The following G3BP1 variants were observed in gnomAD, a reference collection of about 807,000 sequenced individuals.
G3BP1 encodes G3BP stress granule assembly factor 1.
Under a neutral mutation model 58.6 loss-of-function variants are expected in G3BP1, and 35 were observed. The ratio of observed to expected loss-of-function variants is 0.60; its 90% CI spans 0.46 to 0.79. G3BP1 has a LOEUF of 0.79. G3BP1 is among the 30% of genes least tolerant of loss of function. The probability of loss-of-function intolerance (pLI) is 0.00; values close to 1 mark genes in which losing one functional copy is unlikely to be tolerated. For missense variants in G3BP1, 523 were observed against 580.8 expected (o/e 0.90, Z 1.02); for synonymous variants, 191 against 195.4 (o/e 0.98, Z 0.19).
chr5:151,786,238 G>A (rs1395413573), intron 1 of G3BP1, among the ~76,000 whole-genome samples: 1 of 152,144 alleles, frequency 6.6e-6, no homozygotes, highest in African/African-American at 2.4e-5. Context: ...GTGGTGAGCC[G>A]AGATCGCACC....
Position 151,803,996 on chromosome 5 carries a change from G to T in G3BP1, c.1306G>T (p.Gly436Cys), listed in dbSNP as rs1212795295. 6.8e-6 allele frequency: 11 copies of T among 1,613,622 alleles called. No individual in the cohort carries two copies. The African/African-American group carries it at 1.2e-4, about 18-fold the overall frequency. ...CCTTCGGGGACCTGGAGGCCCTCGA[G>T]GTGGGCTGGGTGGTGGAATGAGAGG... ...NRLRGPGGPR[G>C]GLGGGMRGPP... Residue 436 changes from glycine (G) to cysteine (C), a missense_variant, in exon 12 of 12, where the codon GGT (glycine) becomes TGT (cysteine). Around this residue, in one of 2 missense-constraint regions of G3BP1, gnomAD observed 125 missense variants for 181.7 expected, o/e 0.69. Transcript: ENST00000356245.
intron 2 of G3BP1, chr5:151,786,961 G>A: frequency 3.8e-6 from 1 of 266,136 alleles, no homozygotes; most frequent in East Asian, 7.0e-5. Flanking sequence ...TTCTGCCCCA[G>A]CCTCCTGAGT....
chr5:151,794,015 C>T (rs886348008), intron 4 of G3BP1, 144 bp from the exon 5 acceptor site: 1 of 586,758 alleles, frequency 1.7e-6, no homozygotes, highest in Non-Finnish European at 3.1e-6. Flanking sequence ...TGTCTCAGAA[C>T]CCCACAACAA....
Position 151,804,086 on chromosome 5 carries a change from C to T in G3BP1, c.1396C>T (p.Gln466Ter), listed in dbSNP as rs1188009800. Reference sequence around the variant, plus strand: ...AGTGGGAAGGGGGCTTGCGCCACGGCAGTGAATCTTCATGGATCTTCATGC... The same window carrying T: ...AGTGGGAAGGGGGCTTGCGCCACGGTAGTGAATCTTCATGGATCTTCATGC... ...FGVGRGLAPRQ is the reference protein window; with the variant it reads ...FGVGRGLAPR The change falls in exon 12 of 12, where the codon CAG becomes TAG. Residue 466 changes from glutamine to a stop codon, truncating the protein, a stop_gained. Transcript: ENST00000356245. LOFTEE classifies it high-confidence loss of function. The T allele has an allele frequency of 1.3e-6, 2 of 1,593,246 alleles. No individual in the cohort carries two copies. The highest frequency in any genetic ancestry group is 2.7e-5 in the African/African-American group (2 of 74,224).
At position 151,810,947 on chromosome 5, in the gene G3BP1, T is replaced by C. The variant is rs1312398717; in HGVS notation, c.*6856T>C. 1.3e-5 allele frequency: 2 copies of C among 152,212 alleles called. No individual in the cohort carries two copies. Among genetic ancestry groups the C allele is most frequent in the African/African-American group, 2.4e-5 (1 of 41,454 alleles). 9.4% of individuals were successfully genotyped at this position (152,212 alleles called of 1,614,324 possible). A position where few individuals can be genotyped will look rare whatever the true frequency, so the allele number is the denominator to read the frequency against. On this transcript the variant is annotated 3_prime_UTR_variant, in exon 12 of 12. Coordinates refer to ENST00000356245, the MANE Select transcript of G3BP1 (RefSeq NM_005754.3). ...CCTAGTATATCCCAGACAGTTTGTT[T>C]CTATGCAGAAGAATTTTATATGAAA...
At chr5:151,776,869 G>GT (rs146608900) in intron 1 of G3BP1, among the ~76,000 whole-genome samples, 1,698 of 142,670 alleles carry the variant, frequency 0.012, 28 homozygotes, top group African/African-American at 0.033. Context: ...GCTGGCCACA[G>GT]TTTATTTTGT....
intron 1 of G3BP1, among the ~76,000 whole-genome samples, chr5:151,782,093 G>A (rs1047829338): frequency 6.6e-6 from 1 of 151,948 alleles, no homozygotes; most frequent in South Asian, 2.1e-4. Flanking sequence ...ATGTAGAAAT[G>A]GTTTTCTTCT....
At chr5:151,803,804 C>G (rs1045298585) in intron 11 of G3BP1, 81 bp from the exon 12 acceptor site, 5 of 967,066 alleles carry the variant, frequency 5.2e-6, no homozygotes, top group African/African-American at 1.6e-5. Context: ...TCTGCTGGTT[C>G]ATTATTACAG....
chr5:151,796,332 G>A (rs1392568531), intron 6 of G3BP1, among the ~76,000 whole-genome samples: 2 of 152,166 alleles, frequency 1.3e-5, no homozygotes, highest in African/African-American at 4.8e-5. Context: ...GCAGTGGCGC[G>A]ATCTTGGCTG....
In G3BP1 at chr5:151,803,880, T is replaced by TA. The variant is rs1458170603; in HGVS notation, c.1195-4dup. 1.9e-6 allele frequency: 3 copies of TA among 1,604,540 alleles called. No homozygotes were observed. The highest frequency in any genetic ancestry group is 4.5e-5 in the East Asian group (2 of 44,820). ...TCTTAAGTCTGGTCACCTTGATTCTTACAGCCCATCATGTTCAGAGGTGAG... is the reference window on the plus strand; with the variant it reads ...TCTTAAGTCTGGTCACCTTGATTCTTAACAGCCCATCATGTTCAGAGGTGAG... On this transcript the variant is annotated splice_polypyrimidine_tract_variant and splice_region_variant and intron_variant, in intron 11 of 11. Transcript: ENST00000356245.
chr5:151,786,342 G>A (rs772013473), intron 1 of G3BP1, among the ~76,000 whole-genome samples: 4 of 152,092 alleles, frequency 2.6e-5, no homozygotes, highest in Non-Finnish European at 5.9e-5. Flanking sequence ...ATACCTTTGA[G>A]GTTCTTACGT....
chr5:151,802,768 C>T (rs1417524208), intron 11 of G3BP1, among the ~76,000 whole-genome samples: 2 of 152,120 alleles, frequency 1.3e-5, no homozygotes, highest in Admixed American at 1.3e-4. Flanking sequence ...CCCGTCTCTA[C>T]TAAAAATACA....
In G3BP1 at chr5:151,795,561, T is replaced by C. The variant is rs751179561; in HGVS notation, c.525T>C (p.Asp175=). The C allele has an allele frequency of 6.3e-7, 1 of 1,590,260 alleles. No homozygotes were observed. The highest frequency in any genetic ancestry group is 8.6e-7 in the Non-Finnish European group (1 of 1,158,924). ...CTGATGATTCTGGAACTTTCTATGA[T>C]CAGGCAGTTGTCAGGTAAGAAGATT... is the stretch of plus-strand genomic sequence containing the variant. The part of the protein sequence containing the change: ...VVPDDSGTFY[D]QAVVSNDMEE... Residue 175 remains aspartate (D), a synonymous_variant, in exon 6 of 12, where the codon GAT becomes GAC. Transcript: ENST00000356245.
intron 4 of G3BP1, 40 bp from the exon 5 acceptor site, chr5:151,794,119 A>T: frequency 8.2e-7 from 1 of 1,223,652 alleles, no homozygotes; most frequent in Non-Finnish European, 1.2e-6. Context: ...ACTTTCTAAA[A>T]GTCTGTTGAA....
rs567003387 is a variant in G3BP1, at chr5:151,812,019, A to C, written c.*7928A>C. 1 of 152,196 alleles carries C rather than the reference A, an allele frequency of 6.6e-6. No homozygotes were observed. Among genetic ancestry groups the C allele is most frequent in the East Asian group, 1.9e-4 (1 of 5,202 alleles). 9.4% of individuals were successfully genotyped at this position (152,196 alleles called of 1,614,324 possible). On this transcript the variant is annotated 3_prime_UTR_variant, in exon 12 of 12. Transcript: ENST00000356245. ...TTGGCTAGCTGTCAGAGTTGCCGCT[A>C]TGTGAGCTTGTGACTTCTGGTCTGG...
rs939713594 is a variant in G3BP1 at position 151,811,772 on chromosome 5, C to T, written c.*7681C>T. On this transcript the variant is annotated 3_prime_UTR_variant, in exon 12 of 12. Transcript: ENST00000356245. ...AAGTAAAAATGTTACATTAAGGAAG[C>T]GATTGCTTAACACGCTGCTTAAGGT... 6.6e-6 allele frequency: 1 copy of T among 152,164 alleles called. No individual in the cohort carries two copies. The highest frequency in any genetic ancestry group is 1.5e-5 in the Non-Finnish European group (1 of 67,992). 9.4% of individuals were successfully genotyped at this position (152,164 alleles called of 1,614,324 possible). A position where few individuals can be genotyped will look rare whatever the true frequency, so the allele number is the denominator to read the frequency against.
intron 11 of G3BP1, among the ~76,000 whole-genome samples, chr5:151,802,410 A>G (rs1485166521): frequency 6.6e-6 from 1 of 152,236 alleles, no homozygotes; most frequent in Non-Finnish European, 1.5e-5. Context: ...TTGTGTGAGC[A>G]GAAATAGCTT....
chr5:151,778,619 T>C (rs1056349847), intron 1 of G3BP1, among the ~76,000 whole-genome samples: 1 of 152,034 alleles, frequency 6.6e-6, no homozygotes, highest in Admixed American at 6.5e-5. Flanking sequence ...TTTTTGTATT[T>C]TTAGTAGAGA....
chr5:151,776,141 C>T (rs564693894), intron 1 of G3BP1, among the ~76,000 whole-genome samples: 41 of 152,248 alleles, frequency 2.7e-4, no homozygotes, highest in Admixed American at 6.5e-4. Context: ...TTTTGTCTTT[C>T]GTGACCATGA....
Sources: allele counts gnomAD v4.1 joint callset (sites outside exome capture counted in the v4.1 genomes callset), GRCh38; gene constraint gnomAD v4.1.1; regional missense constraint gnomAD v4.1.1; transcripts MANE v1.5; gene names NCBI Gene and HGNC (gene_info 2026-07-23, HGNC 2026-07-21).